CFAP70: variants seen among roughly 807,000 people sequenced by gnomAD.
CFAP70 encodes the protein cilia- and flagella-associated protein 70.
Under a neutral mutation model 137.6 loss-of-function variants are expected in CFAP70, and 81 were observed. The ratio of observed to expected loss-of-function variants is 0.59; its 90% CI spans 0.49 to 0.71. The LOEUF (loss-of-function observed/expected upper bound fraction) is 0.71, where lower values mean the gene tolerates loss of function less well. Among genes scored for constraint, CFAP70 ranks in the 30% least tolerant of loss-of-function variants. The pLI is 0.00. For synonymous variants in CFAP70, 382 were observed against 423.6 expected (o/e 0.90, Z 1.20); for missense variants, 976 against 1,226.7 (o/e 0.80, Z 3.05).
At chr10:73,353,389 T>A (rs2054428123) in intron 3 of CFAP70, among the ~76,000 whole-genome samples, 167 bp downstream of exon 3, 1 of 152,230 alleles carries the variant, frequency 6.6e-6, no homozygotes, top group Non-Finnish European at 1.5e-5. Flanking sequence ...TGTTCAAGAT[T>A]TTCACGTTTC....
rs776434016 is a variant in CFAP70, at chr10:73,291,317, G to A, written c.2148C>T (p.Asp716=). 9 of 1,614,144 alleles carry A rather than the reference G, an allele frequency of 5.6e-6. No individual in the cohort carries two copies. In the South Asian group the frequency reaches 7.7e-5, roughly 14 times the overall value. The change falls in exon 19 of 27, where the codon GAC becomes GAT. Residue 716 remains aspartate, a synonymous_variant. Transcript: ENST00000310715. ...ATTCTCTCTTCCCTCTTTCCTCAGT[G>A]TCTTCTACACCAGTGCTCTTTTGCT...
Position 73,312,092 on chromosome 10 carries a change from C to T in CFAP70, c.1084-178G>A, listed in dbSNP as rs140651850. The stretch of plus-strand genomic sequence containing the variant: ...AAACCATCATTCTCAGCAACTAACA[C>T]AGGAACAGAAAACCAAATACCGCAT... On this transcript the variant is annotated intron_variant, in intron 10 of 26. Transcript: ENST00000310715. Among the ~76,000 whole-genome samples the T allele has an allele frequency of 8.8e-3, 1,346 of 152,274 alleles. 19 individuals are homozygous for T. The highest frequency in any genetic ancestry group is 0.029 in the African/African-American group (1,225 of 41,554).
intron 8 of CFAP70, among the ~76,000 whole-genome samples, chr10:73,326,915 G>A (rs1323755953): frequency 6.6e-6 from 1 of 151,466 alleles, no homozygotes; most frequent in Admixed American, 6.6e-5. Flanking sequence ...GGTACAAGGA[G>A]GAACTGGTAC....
intron 8 of CFAP70, among the ~76,000 whole-genome samples, chr10:73,323,338 G>GC (rs2051061491): frequency 2.4e-5 from 3 of 127,280 alleles, no homozygotes; most frequent in African/African-American, 8.6e-5. Flanking sequence ...GGGCGGGGGG[G>GC]GGGCAGCCAA....
intron 12 of CFAP70, among the ~76,000 whole-genome samples, chr10:73,309,742 C>T (rs757499116): frequency 1.2e-4 from 18 of 151,544 alleles, no homozygotes; most frequent in Non-Finnish European, 1.6e-4. Flanking sequence ...CTGCAACCTC[C>T]GCCTCCCAGG....
At chr10:73,359,078 A>C (rs907848185), upstream of CFAP70, among the ~76,000 whole-genome samples, 2 of 152,226 alleles carry the variant, frequency 1.3e-5, no homozygotes, top group African/African-American at 2.4e-5. Context: ...TGATTTGAAA[A>C]CATCATTTAA....
intron 9 of CFAP70, among the ~76,000 whole-genome samples, chr10:73,314,286 T>C (rs1412819265): frequency 6.6e-6 from 1 of 152,220 alleles, no homozygotes; most frequent in Admixed American, 6.5e-5. Context: ...TTTAATATTG[T>C]ACAATTTAAA....
At chr10:73,256,597 G>GTT (rs376048559) in intron 25 of CFAP70, among the ~76,000 whole-genome samples, 181 bp from the exon 27 acceptor site, 1 of 149,248 alleles carries the variant, frequency 6.7e-6, no homozygotes, top group Non-Finnish European at 1.5e-5. Context: ...GGAGAAAAAG[G>GTT]TTTTTTTTTT....
At chr10:73,331,924 A>G (rs78570052) in intron 7 of CFAP70, among the ~76,000 whole-genome samples, 7,253 of 152,286 alleles carry the variant, frequency 0.048, 530 homozygotes, top group African/African-American at 0.16. Context: ...GGTTATTTCT[A>G]TTGTGAAAAT....
At chr10:73,341,712 C>G (rs2053267954) in intron 5 of CFAP70, 131 bp from the exon 7 acceptor site, 1 of 749,158 alleles carries the variant, frequency 1.3e-6, no homozygotes. Flanking sequence ...TAATCTGATT[C>G]TAGAGAGGGG....
At chr10:73,258,765 C>G (rs1038615271) in intron 25 of CFAP70, among the ~76,000 whole-genome samples, 1 of 152,168 alleles carries the variant, frequency 6.6e-6, no homozygotes, top group African/African-American at 2.4e-5. Context: ...CTGGGAGTGT[C>G]TCTCTCTTAT....
chr10:73,267,313 G>T (rs1485647383), intron 25 of CFAP70, among the ~76,000 whole-genome samples: 1 of 152,206 alleles, frequency 6.6e-6, no homozygotes. Flanking sequence ...GAGTGGTTCA[G>T]TTCTCTTCCA....
chr10:73,341,611 A>T, intron 5 of CFAP70, 30 bp from the exon 7 acceptor site: 1 of 1,584,486 alleles, frequency 6.3e-7, no homozygotes. Context: ...ATGTCAGGAA[A>T]ATTTGTAAAG....
intron 25 of CFAP70, among the ~76,000 whole-genome samples, chr10:73,262,812 A>C (rs1194940549): frequency 6.6e-6 from 1 of 152,162 alleles, no homozygotes; most frequent in Non-Finnish European, 1.5e-5. Flanking sequence ...AAAAGTTAGA[A>C]AAATATAGAA....
intron 4 of CFAP70, among the ~76,000 whole-genome samples, chr10:73,345,688 C>T (rs181001352): frequency 6.6e-6 from 1 of 151,736 alleles, no homozygotes; most frequent in Admixed American, 6.6e-5. Context: ...GCCTGTAGTC[C>T]CAGCTGCTGG....
intron 12 of CFAP70, among the ~76,000 whole-genome samples, chr10:73,309,226 T>C (rs964119176): frequency 6.6e-6 from 1 of 152,220 alleles, no homozygotes; most frequent in African/African-American, 2.4e-5. Context: ...TAGAATACTA[T>C]GAACAATTGT....
chr10:73,276,947 C>T (rs139355394), intron 21 of CFAP70: 3,168 of 210,118 alleles, frequency 0.015, 24 homozygotes, highest in Non-Finnish European at 0.021. Flanking sequence ...ACCCCCAACA[C>T]TCACAAAATG....
At chr10:73,351,041 A>ATGTG (rs2054176565) in intron 3 of CFAP70, among the ~76,000 whole-genome samples, 1 of 82,506 alleles carries the variant, frequency 1.2e-5, no homozygotes, top group African/African-American at 5.7e-5. Flanking sequence ...ATATGTGTGT[A>ATGTG]TATATGTGTG....
At chr10:73,272,738 G>T in intron 24 of CFAP70, 190 bp downstream of exon 25, 1 of 666,946 alleles carries the variant, frequency 1.5e-6, no homozygotes, top group Non-Finnish European at 2.7e-6. Context: ...TTTTTAAAAA[G>T]ATCTTTTATT....
Sources: allele counts gnomAD v4.1 joint callset (sites outside exome capture counted in the v4.1 genomes callset), GRCh38; gene constraint gnomAD v4.1.1; transcripts MANE v1.5; gene names NCBI Gene and HGNC (gene_info 2026-07-23, HGNC 2026-07-21).